The following PITPNM3 variants were observed in gnomAD, a reference collection of about 807,000 sequenced individuals.
PITPNM3 encodes membrane-associated phosphatidylinositol transfer protein 3.
Under a neutral mutation model 102.0 loss-of-function variants are expected in PITPNM3, and 26 were observed. The ratio of observed to expected loss-of-function variants is 0.25; its 90% CI spans 0.19 to 0.35. The LOEUF is 0.35. PITPNM3 is among the 10% of genes least tolerant of loss of function. PITPNM3 has a pLI of 1.00. For synonymous variants in PITPNM3, 578 were observed against 558.6 expected (o/e 1.03, Z -0.49); for missense variants, 1,083 against 1,346.1 (o/e 0.80, Z 3.06).
At chr17:6,463,078 T>C (rs1230692991) in intron 17 of PITPNM3, among the ~76,000 whole-genome samples, 1 of 152,130 alleles carries the variant, frequency 6.6e-6, no homozygotes, top group South Asian at 2.1e-4. Flanking sequence ...GGCTTCAGCC[T>C]GTCTAGGCCT....
intron 3 of PITPNM3, among the ~76,000 whole-genome samples, chr17:6,516,528 CA>C (rs1908188810): frequency 7.1e-6 from 1 of 141,730 alleles, no homozygotes; most frequent in Non-Finnish European, 1.5e-5. Context: ...GGTGCCACTG[CA>C]CTCCAGCGTG....
At position 6,470,926 on chromosome 17, in the gene PITPNM3, G is replaced by T. The variant is rs1196795243; in HGVS notation, c.1624+235C>A. On this transcript the variant is annotated intron_variant, in intron 12 of 19. Coordinates refer to ENST00000262483, the MANE Select transcript of PITPNM3 (RefSeq NM_031220.4). The surrounding 1 kb of genome is among the most constrained non-coding windows in gnomAD (Gnocchi z 4.8). The stretch of plus-strand genomic sequence containing the variant: ...GGCTCTGTCCAGGGTCAGAGGTCAA[G>T]GTTCCTCCAAGGTCAGAGCTCAGTT... 1.3e-5 allele frequency among the ~76,000 whole-genome samples: 2 copies of T among 152,140 alleles called. No homozygotes were observed. The highest frequency in any genetic ancestry group is 4.8e-5 in the African/African-American group (2 of 41,410).
chr17:6,525,679 G>A (rs529209184), intron 2 of PITPNM3, among the ~76,000 whole-genome samples: 15 of 152,166 alleles, frequency 9.9e-5, no homozygotes, highest in Admixed American at 5.2e-4. Flanking sequence ...GGGCCTCCAC[G>A]TGCAACAGCA....
In PITPNM3 at chr17:6,472,305, G is replaced by A. The variant is rs117470461; in HGVS notation, c.1429+352C>T. Among the ~76,000 whole-genome samples the A allele has an allele frequency of 0.011, 1,682 of 152,182 alleles. 16 individuals carry two copies. The highest frequency in any genetic ancestry group is 0.019 in the Non-Finnish European group (1,291 of 68,016). ...CTCTTCCATGAAGCCCACCAGGATG[G>A]CACACTCTCTGCCCTACCCCTTCAG... On this transcript the variant is annotated intron_variant, in intron 11 of 19. Coordinates refer to ENST00000262483, the MANE Select transcript of PITPNM3 (RefSeq NM_031220.4). This position sits in a 1 kb window ranked among gnomAD's most constrained non-coding sequence, Gnocchi z 4.1.
chr17:6,481,887 GA>G, intron 6 of PITPNM3: 2 of 112,724 alleles, frequency 1.8e-5, no homozygotes, highest in Admixed American at 9.9e-5. Context: ...GAGAGAGAGA[GA>G]GAGAGAGAGA....
intron 14 of PITPNM3, among the ~76,000 whole-genome samples, chr17:6,466,752 G>A (rs571132917): frequency 3.9e-5 from 6 of 152,180 alleles, no homozygotes; most frequent in African/African-American, 9.6e-5. Flanking sequence ...GCATCTACCC[G>A]AGAGAAATGA....
chr17:6,492,088 A>G (rs1906523966), intron 4 of PITPNM3, among the ~76,000 whole-genome samples: 1 of 146,160 alleles, frequency 6.8e-6, no homozygotes. Flanking sequence ...TTTTTGAGAC[A>G]GAGTCTCACT....
At chr17:6,544,990 T>C (rs1187863511) in intron 1 of PITPNM3, among the ~76,000 whole-genome samples, 1 of 152,106 alleles carries the variant, frequency 6.6e-6, no homozygotes, top group Non-Finnish European at 1.5e-5. Context: ...TGGCCGAGGC[T>C]CCTGCGGACA....
At chr17:6,477,327 G>A (rs193112464) in intron 8 of PITPNM3, 114 bp from the exon 9 acceptor site, 84 of 1,116,842 alleles carry the variant, frequency 7.5e-5, no homozygotes, top group South Asian at 5.1e-4. Flanking sequence ...GATGTGAGGG[G>A]CTACCCTTCT....
chr17:6,516,556 T>C (rs1254149296), intron 3 of PITPNM3, among the ~76,000 whole-genome samples: 3 of 94,494 alleles, frequency 3.2e-5, no homozygotes, highest in Admixed American at 1.4e-4. Context: ...AGAGACAGAC[T>C]CCGCCTCAAA....
intron 2 of PITPNM3, among the ~76,000 whole-genome samples, chr17:6,527,569 C>CA (rs1567688972): frequency 6.6e-6 from 1 of 152,198 alleles, no homozygotes; most frequent in Non-Finnish European, 1.5e-5. Flanking sequence ...GCCCCTATGA[C>CA]ATTCTACCCC....
chr17:6,534,710 C>CCTAG (rs1382216850), intron 2 of PITPNM3, among the ~76,000 whole-genome samples: 6 of 152,182 alleles, frequency 3.9e-5, no homozygotes, highest in Admixed American at 3.3e-4. Flanking sequence ...AGTGCTGGTA[C>CCTAG]CTAGCTACGC....
At chr17:6,502,806 C>A (rs1035244729) in intron 4 of PITPNM3, among the ~76,000 whole-genome samples, 2 of 152,212 alleles carry the variant, frequency 1.3e-5, no homozygotes, top group African/African-American at 4.8e-5. Flanking sequence ...CATTGGCCAC[C>A]GAGTCCTCCC....
chr17:6,529,600 A>G (rs1176556981), intron 2 of PITPNM3, among the ~76,000 whole-genome samples: 2 of 152,038 alleles, frequency 1.3e-5, no homozygotes, highest in African/African-American at 4.8e-5. Context: ...CTCAAAAAAA[A>G]AAAAAAATCT....
At chr17:6,514,199 T>C (rs1024986318) in intron 3 of PITPNM3, among the ~76,000 whole-genome samples, 1 of 152,076 alleles carries the variant, frequency 6.6e-6, no homozygotes, top group African/African-American at 2.4e-5. Context: ...TGACCTTGGA[T>C]TGGGCAATGG....
intron 1 of PITPNM3, among the ~76,000 whole-genome samples, chr17:6,548,715 CA>C (rs368441606): frequency 8.1e-4 from 124 of 152,250 alleles, no homozygotes; most frequent in African/African-American, 2.7e-3. Context: ...CCACATCCTG[CA>C]CACCTAGGTC....
intron 11 of PITPNM3, among the ~76,000 whole-genome samples, chr17:6,471,962 G>A (rs1351247486): frequency 6.6e-6 from 1 of 152,138 alleles, no homozygotes; most frequent in Non-Finnish European, 1.5e-5. Context: ...TTTTAATCCT[G>A]AATCGGCCCC....
chr17:6,553,865 C>T (rs1597425594), intron 1 of PITPNM3, among the ~76,000 whole-genome samples: 1 of 152,222 alleles, frequency 6.6e-6, no homozygotes, highest in East Asian at 1.9e-4. Flanking sequence ...CTCAGTTTCC[C>T]CAGCTGTGAA....
intron 3 of PITPNM3, among the ~76,000 whole-genome samples, chr17:6,522,276 T>C (rs1908572372): frequency 9.0e-6 from 1 of 111,448 alleles, no homozygotes; most frequent in African/African-American, 3.7e-5. Context: ...ATGAGGTATA[T>C]TTAGTGTGCG....
Sources: allele counts gnomAD v4.1 joint callset (sites outside exome capture counted in the v4.1 genomes callset), GRCh38; gene constraint gnomAD v4.1.1; non-coding constraint Gnocchi (gnomAD v3.1); transcripts MANE v1.5; gene names NCBI Gene and HGNC (gene_info 2026-07-23, HGNC 2026-07-21).